The following AP2B1 variants were observed in gnomAD, a reference collection of about 807,000 sequenced individuals.
The protein encoded by AP2B1 is adaptor related protein complex 2 subunit beta 1.
Under a neutral mutation model 102.0 loss-of-function variants are expected in AP2B1, and 23 were observed. The observed-to-expected ratio is 0.23, with a 90% CI of 0.16 to 0.32. The LOEUF is 0.32. Among genes scored for constraint, AP2B1 ranks in the 10% least tolerant of loss-of-function variants. AP2B1 has a pLI of 1.00. For synonymous variants in AP2B1, 381 were observed against 421.2 expected (o/e 0.90, Z 1.17); for missense variants, 541 against 1,157.4 (o/e 0.47, Z 7.73).
chr17:35,698,449 G>A (rs1196513927), intron 18 of AP2B1, among the ~76,000 whole-genome samples: 2 of 152,126 alleles, frequency 1.3e-5, no homozygotes, highest in African/African-American at 4.8e-5. Flanking sequence ...AGTTGGGACT[G>A]TAGGTGTGCA....
At chr17:35,591,073 C>CTAAG (rs2073080142) in intron 1 of AP2B1, among the ~76,000 whole-genome samples, 1 of 148,510 alleles carries the variant, frequency 6.7e-6, no homozygotes, top group Non-Finnish European at 1.5e-5. Context: ...ACTCTGAAGG[C>CTAAG]TAAGGCAGGA....
chr17:35,609,970 A>G (rs142878684), intron 5 of AP2B1, among the ~76,000 whole-genome samples: 1 of 152,198 alleles, frequency 6.6e-6, no homozygotes, highest in East Asian at 1.9e-4. Context: ...TAAGGTTTTT[A>G]TGGTAGTAAC....
chr17:35,705,548 G>A (rs1364911928), intron 18 of AP2B1, among the ~76,000 whole-genome samples: 1 of 152,030 alleles, frequency 6.6e-6, no homozygotes, highest in Non-Finnish European at 1.5e-5. Flanking sequence ...TTGAGATGGA[G>A]CCTTGCTCTG....
At chr17:35,670,712 G>C (rs1163873989) in intron 14 of AP2B1, 145 bp from the exon 15 acceptor site, 2 of 781,296 alleles carry the variant, frequency 2.6e-6, no homozygotes, top group Non-Finnish European at 4.3e-6. Context: ...TTGTAATCTA[G>C]AATTTTTTTA....
At chr17:35,713,167 G>A (rs190125078) in intron 20 of AP2B1, among the ~76,000 whole-genome samples, 12 of 152,310 alleles carry the variant, frequency 7.9e-5, no homozygotes, top group Admixed American at 5.9e-4. Context: ...CTTTGATGTC[G>A]TTTCTCAGAG....
intron 5 of AP2B1, among the ~76,000 whole-genome samples, chr17:35,612,907 C>G (rs1002009014): frequency 2.2e-4 from 30 of 138,766 alleles, no homozygotes; most frequent in African/African-American, 7.8e-4. Flanking sequence ...CACACACACA[C>G]AGAACTGCTT....
chr17:35,690,924 C>G (rs1333734041), intron 18 of AP2B1, among the ~76,000 whole-genome samples: 3 of 152,164 alleles, frequency 2.0e-5, no homozygotes, highest in Non-Finnish European at 4.4e-5. Flanking sequence ...TGCGATACAA[C>G]TTTATAATTA....
intron 5 of AP2B1, among the ~76,000 whole-genome samples, chr17:35,609,491 C>T (rs548243444): frequency 1.3e-5 from 2 of 152,134 alleles, no homozygotes; most frequent in South Asian, 2.1e-4. Flanking sequence ...GGACTACAGG[C>T]GCCTGCCACC....
intron 5 of AP2B1, among the ~76,000 whole-genome samples, chr17:35,618,755 C>T (rs570780298): frequency 6.6e-6 from 1 of 152,208 alleles, no homozygotes; most frequent in South Asian, 2.1e-4. Flanking sequence ...ACCATACCTA[C>T]TGTACCAGCT....
chr17:35,634,942 T>C (rs2074563841), intron 9 of AP2B1, among the ~76,000 whole-genome samples: 1 of 152,234 alleles, frequency 6.6e-6, no homozygotes, highest in Admixed American at 6.5e-5. Flanking sequence ...TTCTTACTTC[T>C]ATCTCCTGGC....
intron 12 of AP2B1, among the ~76,000 whole-genome samples, chr17:35,650,229 C>A (rs1019817786): frequency 2.6e-5 from 4 of 152,134 alleles, no homozygotes; most frequent in African/African-American, 9.7e-5. Context: ...GGATTACAGG[C>A]ATGAGCCACT....
chr17:35,637,653 T>C (rs1456093410), intron 10 of AP2B1, among the ~76,000 whole-genome samples: 1 of 151,960 alleles, frequency 6.6e-6, no homozygotes, highest in East Asian at 1.9e-4. Context: ...CACATACTTT[T>C]ACTACTCTCC....
At chr17:35,601,082 C>G (rs1174752721) in intron 3 of AP2B1, 1 of 826,328 alleles carries the variant, frequency 1.2e-6, no homozygotes. Flanking sequence ...GTAAGTACAT[C>G]AGGCTGGCAT....
At chr17:35,678,321 A>G (rs1038994510) in intron 17 of AP2B1, among the ~76,000 whole-genome samples, 1 of 152,080 alleles carries the variant, frequency 6.6e-6, no homozygotes, top group African/African-American at 2.4e-5. Context: ...TAAATAAATC[A>G]TGTCATTTAT....
Position 35,656,842 on chromosome 17 carries a change from G to A in AP2B1, c.1797-757G>A, listed in dbSNP as rs555437311. 4.7e-3 allele frequency among the ~76,000 whole-genome samples: 688 copies of A among 145,234 alleles called. 8 individuals carry two copies. The highest frequency in any genetic ancestry group is 0.017 in the African/African-American group (653 of 38,852). On this transcript the variant is annotated intron_variant, in intron 13 of 21. Transcript: ENST00000610402. ...GGAGCTTGCAGTGAGCCGAGATGGC[G>A]CCACTGCACTCCAGCCTGGGCGACA... is the stretch of plus-strand genomic sequence containing the variant.
intron 16 of AP2B1, 28 bp from the exon 17 acceptor site, chr17:35,674,148 T>C (rs1326683369): frequency 1.3e-6 from 2 of 1,595,964 alleles, no homozygotes; most frequent in Admixed American, 1.7e-5. Flanking sequence ...TCTTGTCTGA[T>C]TCTATTGAGC....
chr17:35,698,030 A>T (rs1477421703), intron 18 of AP2B1, among the ~76,000 whole-genome samples: 2 of 152,176 alleles, frequency 1.3e-5, no homozygotes, highest in African/African-American at 2.4e-5. Flanking sequence ...TAAGAAAACA[A>T]TTTTTTCAGG....
intron 13 of AP2B1, among the ~76,000 whole-genome samples, chr17:35,651,670 A>G (rs1255326385): frequency 6.6e-6 from 1 of 152,074 alleles, no homozygotes; most frequent in Non-Finnish European, 1.5e-5. Flanking sequence ...TGGCGTGGTC[A>G]GCATTTTGGG....
At chr17:35,717,044 G>T in intron 20 of AP2B1, 151 bp from the exon 21 acceptor site, 3 of 799,822 alleles carry the variant, frequency 3.8e-6, no homozygotes, top group South Asian at 1.8e-5. Context: ...TTGCTATTGT[G>T]TGGGAGAATG....
Sources: gnomAD v4.1 joint callset for allele counts (sites outside exome capture counted in the v4.1 genomes callset) on GRCh38, gnomAD v4.1.1 for gene constraint, MANE v1.5 for transcripts, NCBI Gene and HGNC (gene_info 2026-07-23, HGNC 2026-07-21) for gene names.